The following CIRSR variants were observed in gnomAD, a reference collection of about 807,000 sequenced individuals.
CIRSR encodes the protein corepressor of RBPJ and splicing regulator, also known as CBF1 (RBPJ) interacting corepressor 1.
chr2:174,348,827 G>T, the CIRSR span: 1 of 1,614,148 alleles, frequency 6.2e-7, no homozygotes, highest in Non-Finnish European at 8.5e-7. Context: ...TAGAACTCTC[G>T]TGTTTTAAGA....
chr2:174,357,463 C>T, the CIRSR span, among the ~76,000 whole-genome samples: 6 of 152,114 alleles, frequency 3.9e-5, no homozygotes, highest in African/African-American at 1.4e-4. Flanking sequence ...AATCACTTTC[C>T]CATGTATTTA....
the CIRSR span, among the ~76,000 whole-genome samples, chr2:174,366,003 T>C: frequency 1.3e-5 from 2 of 152,164 alleles, no homozygotes; most frequent in Non-Finnish European, 2.9e-5. Flanking sequence ...AGATGGATAA[T>C]GTAAGCAAAG....
the CIRSR span, chr2:174,378,875 T>C: frequency 1.5e-6 from 2 of 1,328,118 alleles, no homozygotes; most frequent in East Asian, 2.3e-5. Context: ...TGTTGTTTTA[T>C]CTTTCCTTGT....
the CIRSR span, among the ~76,000 whole-genome samples, chr2:174,366,291 C>G: frequency 6.6e-6 from 1 of 152,068 alleles, no homozygotes; most frequent in Non-Finnish European, 1.5e-5. Flanking sequence ...TTTGAAATAA[C>G]AATGGCTGAG....
chr2:174,349,773 C>T, the CIRSR span, among the ~76,000 whole-genome samples: 1 of 151,920 alleles, frequency 6.6e-6, no homozygotes, highest in Admixed American at 6.6e-5. Flanking sequence ...TTATATAGCA[C>T]TCTAAAGGGT....
chr2:174,360,323 TCATAGGAAAGA>T, the CIRSR span, among the ~76,000 whole-genome samples: 1 of 152,240 alleles, frequency 6.6e-6, no homozygotes, highest in African/African-American at 2.4e-5. Flanking sequence ...GAAAATTATT[TCATAGGAAAGA>T]CTTAAATTGT....
At chr2:174,351,957 CTT>C in the CIRSR span, 9 of 352,450 alleles carry the variant, frequency 2.6e-5, no homozygotes, top group African/African-American at 4.2e-5. Flanking sequence ...TCTTATGTAA[CTT>C]TGTCATATTG....
the CIRSR span, among the ~76,000 whole-genome samples, chr2:174,378,336 T>C: frequency 2.6e-5 from 4 of 152,228 alleles, no homozygotes; most frequent in African/African-American, 9.6e-5. Flanking sequence ...GGTTGGATTA[T>C]TGTGCCTGTT....
chr2:174,357,601 A>G, the CIRSR span, among the ~76,000 whole-genome samples: 4 of 152,210 alleles, frequency 2.6e-5, no homozygotes, highest in Non-Finnish European at 5.9e-5. Context: ...GGCTATATCT[A>G]GCGAATAAGC....
chr2:174,379,596 C>T, the CIRSR span, among the ~76,000 whole-genome samples: 6 of 152,056 alleles, frequency 3.9e-5, no homozygotes, highest in East Asian at 1.9e-4. Flanking sequence ...TAGTCTGTCC[C>T]GATTCTAAAC....
At chr2:174,348,624 C>T in the CIRSR span, 22 of 1,614,054 alleles carry the variant, frequency 1.4e-5, no homozygotes, top group East Asian at 4.5e-5. Context: ...ACCAGGATTT[C>T]GCTGTGCCCG....
the CIRSR span, among the ~76,000 whole-genome samples, chr2:174,385,912 T>C: frequency 3.2e-4 from 49 of 152,190 alleles, no homozygotes; most frequent in Admixed American, 6.5e-4. Context: ...AAATATATAA[T>C]TGATGCAAGC....
At chr2:174,364,729 T>C in the CIRSR span, among the ~76,000 whole-genome samples, 34 of 152,332 alleles carry the variant, frequency 2.2e-4, no homozygotes, top group South Asian at 2.5e-3. Flanking sequence ...TCCCAAGATC[T>C]ACATTGGCCT....
the CIRSR span, among the ~76,000 whole-genome samples, chr2:174,354,553 A>ATTT: frequency 3.8e-4 from 12 of 31,364 alleles, no homozygotes; most frequent in South Asian, 1.2e-3. Flanking sequence ...ATATTATATT[A>ATTT]TATATATTTT....
the CIRSR span, among the ~76,000 whole-genome samples, chr2:174,383,693 C>T: frequency 1.5e-5 from 2 of 132,086 alleles, no homozygotes; most frequent in South Asian, 4.9e-4. Flanking sequence ...GCACTCCAGG[C>T]TGGGTGATAG....
the CIRSR span, among the ~76,000 whole-genome samples, chr2:174,395,069 T>C: frequency 1.6e-4 from 24 of 152,338 alleles, no homozygotes; most frequent in Non-Finnish European, 2.5e-4. Flanking sequence ...CACCAAAGTA[T>C]TACAACTGGT....
the CIRSR span, among the ~76,000 whole-genome samples, chr2:174,356,520 AAAGAAAG>A: frequency 1.4e-3 from 209 of 144,286 alleles, 2 homozygotes; most frequent in African/African-American, 3.9e-3. Context: ...AGGAAGAAAG[AAAGAAAG>A]AAGAAAGGAA....
the CIRSR span, chr2:174,351,649 C>T: frequency 1.9e-6 from 3 of 1,613,856 alleles, no homozygotes; most frequent in East Asian, 6.7e-5. Context: ...TCAAGTTTCT[C>T]CCCAGTACAT....
the CIRSR span, among the ~76,000 whole-genome samples, chr2:174,354,422 ATAT>A: frequency 1.5e-5 from 1 of 65,418 alleles, no homozygotes; most frequent in Non-Finnish European, 2.9e-5. Flanking sequence ...TATATAATAT[ATAT>A]TATATGATAT....
Sources: allele counts gnomAD v4.1 joint callset (sites outside exome capture counted in the v4.1 genomes callset), GRCh38; gene constraint gnomAD v4.1.1; transcripts MANE v1.5; gene names NCBI Gene and HGNC (gene_info 2026-07-23, HGNC 2026-07-21).